The following ADCY2 variants were observed in gnomAD, a reference collection of about 807,000 sequenced individuals.
ADCY2 encodes adenylate cyclase 2.
In ADCY2, 31 loss-of-function variants were observed where a neutral mutation model predicts 125.2. The ratio of observed to expected loss-of-function variants is 0.25; its 90% CI spans 0.19 to 0.33. ADCY2 has a LOEUF of 0.33. ADCY2 is among the 10% of genes least tolerant of loss of function. ADCY2 has a pLI of 1.00. For missense variants in ADCY2, 904 were observed against 1,418.2 expected (o/e 0.64, Z 5.82); for synonymous variants, 512 against 548.4 (o/e 0.93, Z 0.93).
At chr5:7,461,873 A>G (rs995386856) in intron 2 of ADCY2, among the ~76,000 whole-genome samples, 5 of 152,232 alleles carry the variant, frequency 3.3e-5, no homozygotes, top group African/African-American at 9.6e-5. Flanking sequence ...ATTTCTGTTT[A>G]GATCTCATAT....
At chr5:7,573,637 C>A (rs1736141053) in intron 3 of ADCY2, among the ~76,000 whole-genome samples, 1 of 108,896 alleles carries the variant, frequency 9.2e-6, no homozygotes, top group Non-Finnish European at 1.9e-5. Flanking sequence ...AAGCTGCAGG[C>A]TTTATTGAGC....
At chr5:7,571,104 A>G (rs1409214964) in intron 3 of ADCY2, among the ~76,000 whole-genome samples, 2 of 152,174 alleles carry the variant, frequency 1.3e-5, no homozygotes, top group South Asian at 2.1e-4. Context: ...AGGGTTCTCT[A>G]GAGAAGCAGA....
chr5:7,537,839 C>T (rs908402518), intron 3 of ADCY2, among the ~76,000 whole-genome samples: 5 of 152,224 alleles, frequency 3.3e-5, no homozygotes, highest in Non-Finnish European at 7.3e-5. Flanking sequence ...TCTGCAGATG[C>T]TGGGCTCCTC....
intron 3 of ADCY2, among the ~76,000 whole-genome samples, chr5:7,586,684 A>G (rs1736638459): frequency 6.6e-6 from 1 of 152,120 alleles, no homozygotes; most frequent in African/African-American, 2.4e-5. Context: ...AGACAGGCCC[A>G]TGATAAACTC....
chr5:7,626,653 G>A lies in ADCY2; in HGVS notation c.720+337G>A, dbSNP rs141948117. 1.5e-3 allele frequency among the ~76,000 whole-genome samples: 225 copies of A among 152,290 alleles called. 6 individuals carry two copies. Among genetic ancestry groups the A allele is most frequent in the Admixed American group, 0.011 (173 of 15,302 alleles). ...CAGGGATCACTTAGCGAGAGAGGAA[G>A]CAAGAGAGAGGCAGGGAAGGAGGGG... On this transcript the variant is annotated intron_variant, in intron 4 of 24. Coordinates refer to ENST00000338316, the MANE Select transcript of ADCY2 (RefSeq NM_020546.3).
intron 4 of ADCY2, among the ~76,000 whole-genome samples, chr5:7,658,883 C>T (rs1739434055): frequency 1.3e-5 from 2 of 151,934 alleles, no homozygotes; most frequent in African/African-American, 2.4e-5. Context: ...TCTTTTTTTT[C>T]GAAGGCCTTG....
intron 2 of ADCY2, among the ~76,000 whole-genome samples, chr5:7,495,123 C>T (rs1295071194): frequency 6.6e-6 from 1 of 152,232 alleles, no homozygotes; most frequent in Non-Finnish European, 1.5e-5. Context: ...TGGTGACTAT[C>T]TTTAGTGCAG....
chr5:7,755,069 A>G (rs1286120165), intron 15 of ADCY2, among the ~76,000 whole-genome samples: 1 of 152,180 alleles, frequency 6.6e-6, no homozygotes, highest in African/African-American at 2.4e-5. Flanking sequence ...TTGCTGCATG[A>G]CAGATTTCCT....
At chr5:7,751,985 G>A (rs1742841204) in intron 15 of ADCY2, among the ~76,000 whole-genome samples, 1 of 152,064 alleles carries the variant, frequency 6.6e-6, no homozygotes, top group African/African-American at 2.4e-5. Context: ...CACTATACTG[G>A]CCTCTGGGAA....
chr5:7,532,075 T>G (rs951333978), intron 3 of ADCY2, among the ~76,000 whole-genome samples: 1 of 152,190 alleles, frequency 6.6e-6, no homozygotes, highest in African/African-American at 2.4e-5. Flanking sequence ...TATGGTAACA[T>G]AGGAAAATAA....
At chr5:7,398,437 G>A (rs1235301659) in intron 1 of ADCY2, among the ~76,000 whole-genome samples, 1 of 152,180 alleles carries the variant, frequency 6.6e-6, no homozygotes, top group Non-Finnish European at 1.5e-5. Context: ...GTGCATATGT[G>A]TTAGTGGTAC....
chr5:7,724,021 C>T (rs1257551747), intron 12 of ADCY2, among the ~76,000 whole-genome samples: 13 of 137,240 alleles, frequency 9.5e-5, no homozygotes. Context: ...AGTATTTTCA[C>T]TAAGTCTGAA....
chr5:7,464,442 C>T (rs957810967), intron 2 of ADCY2, among the ~76,000 whole-genome samples: 10 of 152,292 alleles, frequency 6.6e-5, no homozygotes, highest in South Asian at 4.1e-4. Context: ...TACTGACCTA[C>T]GGCAATGTCA....
intron 2 of ADCY2, among the ~76,000 whole-genome samples, chr5:7,503,082 G>A (rs1373831637): frequency 6.6e-6 from 1 of 152,088 alleles, no homozygotes; most frequent in Non-Finnish European, 1.5e-5. Context: ...TGCTCCCCTT[G>A]TATCCAGTGT....
chr5:7,609,301 T>C (rs565400780), intron 3 of ADCY2, among the ~76,000 whole-genome samples: 1 of 152,336 alleles, frequency 6.6e-6, no homozygotes, highest in Admixed American at 6.5e-5. Context: ...GTAGATTGAA[T>C]TGATTTAGGG....
intron 22 of ADCY2, among the ~76,000 whole-genome samples, chr5:7,810,829 C>T (rs1005371308): frequency 6.6e-6 from 1 of 152,126 alleles, no homozygotes; most frequent in Non-Finnish European, 1.5e-5. Context: ...CACTCCAGAG[C>T]CTCACCTGTT....
chr5:7,415,226 T>G (rs992992295), intron 2 of ADCY2, among the ~76,000 whole-genome samples: 1 of 152,216 alleles, frequency 6.6e-6, no homozygotes, highest in Non-Finnish European at 1.5e-5. Flanking sequence ...TCACTGAATC[T>G]TATTCCTCCT....
At chr5:7,764,467 C>A (rs1435160596) in intron 16 of ADCY2, among the ~76,000 whole-genome samples, 1 of 152,146 alleles carries the variant, frequency 6.6e-6, no homozygotes, top group East Asian at 1.9e-4. Flanking sequence ...GTCAGGTAGA[C>A]TTCTAATTCC....
intron 22 of ADCY2, 41 bp downstream of exon 22, chr5:7,804,733 A>C (rs1579456927): frequency 6.6e-7 from 1 of 1,510,098 alleles, no homozygotes. Flanking sequence ...GTGAGCCTCA[A>C]CCCCATCCAC....
Sources: allele counts gnomAD v4.1 joint callset (sites outside exome capture counted in the v4.1 genomes callset), GRCh38; gene constraint gnomAD v4.1.1; transcripts MANE v1.5; gene names NCBI Gene and HGNC (gene_info 2026-07-23, HGNC 2026-07-21).